Variants in DHRS9 observed in about 807,000 individuals in gnomAD.
DHRS9 encodes dehydrogenase/reductase SDR family member 9.
In DHRS9, 18 loss-of-function variants were observed where a neutral mutation model predicts 26.6. The ratio of observed to expected loss-of-function variants is 0.68; its 90% CI spans 0.47 to 1.00. The LOEUF (loss-of-function observed/expected upper bound fraction) is 1.00. Ranked by LOEUF, DHRS9 falls within the 50% of genes least tolerant of loss-of-function variation. The pLI is 0.00. For synonymous variants in DHRS9, 134 were observed against 141.1 expected (o/e 0.95, Z 0.36); for missense variants, 425 against 378.7 (o/e 1.12, Z -1.01).
At position 169,095,733 on chromosome 2, in the gene DHRS9, A is replaced by C. The variant is rs751361297; in HGVS notation, c.926A>C (p.Gln309Pro). The C allele has an allele frequency of 6.2e-6, 10 of 1,613,752 alleles. No homozygotes were observed. Among genetic ancestry groups the C allele is most frequent in the South Asian group, 1.1e-5 (1 of 91,084 alleles). The change falls in exon 5 of 5, where the codon CAG (glutamine) becomes CCG (proline). Residue 309 changes from glutamine (Q) to proline (P), a missense_variant. Coordinates refer to ENST00000674881, the MANE Select transcript of DHRS9 (RefSeq NM_001376924.1). ...TTGCAAGACTTTTTATTGTTGAAAC[A>C]GAAAGCAGAGCTGGCTAATCCCAAG... is the stretch of plus-strand genomic sequence containing the variant. ...AALQDFLLLK[Q>P]KAELANPKAV
chr2:169,069,787 T>C, intron 1 of DHRS9, 70 bp downstream of exon 1: 10 of 980,160 alleles, frequency 1.0e-5, no homozygotes, highest in Non-Finnish European at 1.2e-5. Flanking sequence ...TTGATTTTCC[T>C]CACTCTTGCA....
At position 169,079,932 on chromosome 2, in the gene DHRS9, A is replaced by G. The variant is rs1471873290; in HGVS notation, c.-59-1591A>G. On this transcript the variant is annotated intron_variant, in intron 1 of 4. Coordinates refer to ENST00000674881, the MANE Select transcript of DHRS9 (RefSeq NM_001376924.1). The stretch of plus-strand genomic sequence containing the variant: ...GAGGGAGGGAGGGGGAGAGAGAGAG[A>G]GAGAGAGAGAGAGAGAGAGAGAGAG... 2.2e-3 allele frequency among the ~76,000 whole-genome samples: 34 copies of G among 15,408 alleles called. 1 individual carries two copies. Among genetic ancestry groups the G allele is most frequent in the African/African-American group, 5.8e-3 (20 of 3,430 alleles). 10.1% of individuals were successfully genotyped at this position (15,408 alleles called of 152,430 possible). A position where few individuals can be genotyped will look rare whatever the true frequency, so the allele number is the denominator to read the frequency against.
intron 1 of DHRS9, chr2:169,070,836 C>T (rs1184170905): frequency 7.0e-6 from 5 of 712,452 alleles, no homozygotes; most frequent in East Asian, 1.3e-4. Context: ...AGGCCGAGGC[C>T]GGCGGATCAC....
Position 169,083,489 on chromosome 2 carries a change from A to T in DHRS9, c.474A>T (p.Arg158Ser). 1 of 1,614,084 alleles carries T rather than the reference A, an allele frequency of 6.2e-7. No homozygotes were observed. The highest frequency in any genetic ancestry group is 8.5e-7 in the Non-Finnish European group (1 of 1,180,002). Reference protein sequence around the residue: ...MLPLVKKAQGRVINVSSVGGR... With the variant: ...MLPLVKKAQGSVINVSSVGGR... Reference sequence around the variant, plus strand: ...CTTTGGTCAAGAAAGCTCAAGGGAGAGTTATTAATGTCTCCAGTGTTGGAG... The same window carrying T: ...CTTTGGTCAAGAAAGCTCAAGGGAGTGTTATTAATGTCTCCAGTGTTGGAG... The change falls in exon 3 of 5, where the codon AGA becomes AGT. Residue 158 changes from arginine (R) to serine (S), a missense_variant. By Grantham distance (110) the Arg-to-Ser change is moderately radical. Transcript: ENST00000674881.
At chr2:169,081,239 C>T in intron 1 of DHRS9, 1 of 916,900 alleles carries the variant, frequency 1.1e-6, no homozygotes, top group Non-Finnish European at 1.4e-6. Flanking sequence ...CTCCAGCTGG[C>T]CGTGGCAACT....
At chr2:169,082,688 T>C (rs113577552) in intron 2 of DHRS9, among the ~76,000 whole-genome samples, 78 of 152,276 alleles carry the variant, frequency 5.1e-4, no homozygotes, top group African/African-American at 1.7e-3. Flanking sequence ...ATGACTGAAT[T>C]CTTAACCAAA....
At chr2:169,067,105 A>G (rs1683665058), upstream of DHRS9, 6 of 1,533,882 alleles carry the variant, frequency 3.9e-6, no homozygotes, top group Non-Finnish European at 5.2e-6. Context: ...TCAGAGAAAC[A>G]TGTTCCACTG....
upstream of DHRS9, chr2:169,067,358 A>G (rs1683674839): frequency 1.3e-6 from 2 of 1,488,674 alleles, no homozygotes; most frequent in Admixed American, 2.1e-5. Flanking sequence ...AGCCTAACGT[A>G]TGTCTCCTGA....
At chr2:169,080,968 A>G (rs1411014076) in intron 1 of DHRS9, 3 of 172,204 alleles carry the variant, frequency 1.7e-5, no homozygotes, top group African/African-American at 7.2e-5. Flanking sequence ...GAAGATTGAC[A>G]TTAACCCATT....
At chr2:169,069,845 T>C in intron 1 of DHRS9, 128 bp downstream of exon 1, 1 of 841,716 alleles carries the variant, frequency 1.2e-6, no homozygotes, top group Non-Finnish European at 1.4e-6. Context: ...GCTACTTCTT[T>C]TAATGTAACA....
chr2:169,070,505 G>A (rs1485203905), intron 1 of DHRS9: 2 of 985,304 alleles, frequency 2.0e-6, no homozygotes, highest in Admixed American at 6.1e-5. Context: ...TTGTGCTTCT[G>A]TACTATTTAT....
chr2:169,094,414 C>G (rs1352137063), intron 4 of DHRS9, among the ~76,000 whole-genome samples: 12 of 151,952 alleles, frequency 7.9e-5, no homozygotes, highest in African/African-American at 1.2e-4. Context: ...TGTGCAGAAG[C>G]TTTTTAGTTG....
chr2:169,092,267 C>G (rs896874637), intron 4 of DHRS9, among the ~76,000 whole-genome samples: 1 of 152,326 alleles, frequency 6.6e-6, no homozygotes, highest in Middle Eastern at 3.4e-3. Context: ...CACAACACCT[C>G]CTAGTCATGC....
At chr2:169,079,947 G>A (rs946742588) in intron 1 of DHRS9, among the ~76,000 whole-genome samples, 1 of 59,554 alleles carries the variant, frequency 1.7e-5, no homozygotes, top group African/African-American at 7.2e-5. Context: ...GAGAGAGAGA[G>A]AGAGAGAGAG....
chr2:169,090,943 A>G (rs1217207918), intron 3 of DHRS9, among the ~76,000 whole-genome samples: 3 of 152,210 alleles, frequency 2.0e-5, no homozygotes, highest in Non-Finnish European at 4.4e-5. Context: ...GCTATGCTGC[A>G]GGGCACTGTG....
chr2:169,090,235 A>G (rs1684479988), intron 3 of DHRS9, among the ~76,000 whole-genome samples: 1 of 152,118 alleles, frequency 6.6e-6, no homozygotes, highest in Admixed American at 6.5e-5. Context: ...TTAAAACTGT[A>G]TTTTCCCAGC....
chr2:169,068,073 G>C (rs1339364115), upstream of DHRS9, among the ~76,000 whole-genome samples: 2 of 152,078 alleles, frequency 1.3e-5, no homozygotes, highest in African/African-American at 4.8e-5. Flanking sequence ...CTTTTTCTTT[G>C]CCCTTTTCAG....
Position 169,095,651 on chromosome 2 carries a change from G to A in DHRS9, c.844G>A (p.Ala282Thr), listed in dbSNP as rs990028041. Residue 282 changes from alanine to threonine, a missense_variant, in exon 5 of 5, where the codon GCC (alanine) becomes ACC (threonine). By Grantham distance (58) the Ala-to-Thr change is moderately conservative (BLOSUM62 0). Transcript: ENST00000674881. Reference sequence around the variant, plus strand: ...AAGTCTCTTCCCTAAGACTCATTATGCCGCTGGAAAAGATGCCAAAATTTT... The same window carrying A: ...AAGTCTCTTCCCTAAGACTCATTATACCGCTGGAAAAGATGCCAAAATTTT... ...LTSLFPKTHY[A>T]AGKDAKIFWI... 5 of 1,613,962 alleles carry A rather than the reference G, an allele frequency of 3.1e-6. No homozygotes were observed. The Admixed American group carries it at 6.7e-5, about 22-fold the overall frequency.
intron 1 of DHRS9, among the ~76,000 whole-genome samples, chr2:169,072,290 T>C (rs1264685365): frequency 6.6e-6 from 1 of 152,164 alleles, no homozygotes; most frequent in East Asian, 1.9e-4. Flanking sequence ...TTGCAACACA[T>C]TGGAAGTAAA....
Sources: allele counts gnomAD v4.1 joint callset (sites outside exome capture counted in the v4.1 genomes callset), GRCh38; gene constraint gnomAD v4.1.1; transcripts MANE v1.5; gene names NCBI Gene and HGNC (gene_info 2026-07-23, HGNC 2026-07-21).